The following KCNH5 variants were observed in gnomAD, a reference collection of about 807,000 sequenced individuals.
KCNH5 encodes the protein voltage-gated delayed rectifier potassium channel KCNH5.
Under a neutral mutation model 96.1 loss-of-function variants are expected in KCNH5, and 46 were observed. The ratio of observed to expected loss-of-function variants is 0.48; its 90% CI spans 0.38 to 0.61. The LOEUF is 0.61. KCNH5 is among the 20% of genes least tolerant of loss of function. KCNH5 has a pLI of 0.00. For missense variants in KCNH5, 907 were observed against 1,225.8 expected (o/e 0.74, Z 3.88); for synonymous variants, 439 against 449.8 (o/e 0.98, Z 0.30).
intron 5 of KCNH5, among the ~76,000 whole-genome samples, chr14:62,984,467 A>C (rs1196296464): frequency 6.6e-6 from 1 of 152,164 alleles, no homozygotes. Flanking sequence ...AAGTAAAAGC[A>C]CCTCAAATTC....
chr14:62,879,092 C>T (rs1243565950), intron 7 of KCNH5, among the ~76,000 whole-genome samples: 1 of 151,902 alleles, frequency 6.6e-6, no homozygotes, highest in Non-Finnish European at 1.5e-5. Flanking sequence ...ATACTAATGA[C>T]TAATAAAAAC....
chr14:62,739,218 T>C (rs1401424907), intron 10 of KCNH5, among the ~76,000 whole-genome samples: 3 of 152,174 alleles, frequency 2.0e-5, no homozygotes, highest in Admixed American at 6.5e-5. Context: ...TTGGCACTTC[T>C]TATGAATTAA....
intron 8 of KCNH5, among the ~76,000 whole-genome samples, chr14:62,817,037 T>C (rs1369732742): frequency 2.1e-5 from 3 of 145,684 alleles, no homozygotes; most frequent in African/African-American, 7.5e-5. Context: ...GTTCACGTAT[T>C]ACTTTTCTGA....
intron 7 of KCNH5, among the ~76,000 whole-genome samples, chr14:62,867,646 C>G (rs1355374619): frequency 1.3e-5 from 2 of 152,144 alleles, no homozygotes; most frequent in Non-Finnish European, 2.9e-5. Context: ...GATCATGTCA[C>G]TGACCTGCTG....
At chr14:62,727,699 G>C (rs143765184) in intron 10 of KCNH5, among the ~76,000 whole-genome samples, 5 of 150,240 alleles carry the variant, frequency 3.3e-5, no homozygotes, top group Non-Finnish European at 5.9e-5. Flanking sequence ...ATTTATAGGA[G>C]CCCCTAATCA....
chr14:62,939,484 A>G (rs1372790559), intron 7 of KCNH5, among the ~76,000 whole-genome samples: 1 of 152,180 alleles, frequency 6.6e-6, no homozygotes, highest in African/African-American at 2.4e-5. Flanking sequence ...AGGAAAAAGA[A>G]CCACTTTCCT....
chr14:63,030,478 C>T (rs1385067092), intron 1 of KCNH5, among the ~76,000 whole-genome samples: 2 of 152,132 alleles, frequency 1.3e-5, no homozygotes, highest in African/African-American at 2.4e-5. Context: ...AGGTTAAAAA[C>T]GAATCAAAGA....
chr14:62,781,761 G>A (rs1332499047), intron 9 of KCNH5, among the ~76,000 whole-genome samples: 1 of 152,096 alleles, frequency 6.6e-6, no homozygotes, highest in Non-Finnish European at 1.5e-5. Flanking sequence ...TTTTCAAGGT[G>A]CCCACATTTC....
At chr14:62,841,446 A>G (rs932727427) in intron 8 of KCNH5, among the ~76,000 whole-genome samples, 1 of 152,214 alleles carries the variant, frequency 6.6e-6, no homozygotes, top group African/African-American at 2.4e-5. Context: ...TACTCATACT[A>G]TAACACTGTC....
chr14:62,941,854 C>T (rs1889795932), intron 7 of KCNH5, among the ~76,000 whole-genome samples: 3 of 152,148 alleles, frequency 2.0e-5, no homozygotes, highest in Admixed American at 6.5e-5. Flanking sequence ...TGGATATCCA[C>T]CTAGGTCGAG....
chr14:62,860,909 T>A (rs904541091), intron 7 of KCNH5, among the ~76,000 whole-genome samples: 6 of 152,202 alleles, frequency 3.9e-5, no homozygotes, highest in African/African-American at 1.4e-4. Flanking sequence ...TCAGAAATTT[T>A]AAACCCAGCT....
At chr14:62,831,183 C>T (rs960133409) in intron 8 of KCNH5, among the ~76,000 whole-genome samples, 2 of 152,172 alleles carry the variant, frequency 1.3e-5, no homozygotes, top group African/African-American at 4.8e-5. Context: ...AAACATCTCT[C>T]TTCCTCTCTT....
At chr14:62,798,942 A>G (rs1886593569) in intron 9 of KCNH5, among the ~76,000 whole-genome samples, 1 of 152,162 alleles carries the variant, frequency 6.6e-6, no homozygotes, top group Non-Finnish European at 1.5e-5. Flanking sequence ...AAGAGATAGC[A>G]AGGCCTTCTT....
chr14:62,904,551 G>A (rs1464475475), intron 7 of KCNH5, among the ~76,000 whole-genome samples: 1 of 152,116 alleles, frequency 6.6e-6, no homozygotes, highest in Non-Finnish European at 1.5e-5. Context: ...ATGTGGAGAT[G>A]TCTTGGGTCA....
intron 7 of KCNH5, among the ~76,000 whole-genome samples, chr14:62,868,892 T>C (rs957765807): frequency 2.0e-5 from 3 of 152,238 alleles, no homozygotes; most frequent in Non-Finnish European, 4.4e-5. Context: ...CTGCATAGTA[T>C]TCCATGATGT....
intron 10 of KCNH5, among the ~76,000 whole-genome samples, chr14:62,774,177 G>A (rs1464127076): frequency 1.3e-5 from 2 of 152,216 alleles, no homozygotes; most frequent in Non-Finnish European, 2.9e-5. Context: ...CAACACACGA[G>A]AAATGCTGTC....
At chr14:62,912,699 C>A (rs1379216150) in intron 7 of KCNH5, among the ~76,000 whole-genome samples, 1 of 152,172 alleles carries the variant, frequency 6.6e-6, no homozygotes, top group Admixed American at 6.5e-5. Context: ...AGCCACCGTA[C>A]CTGGCCATCT....
intron 10 of KCNH5, among the ~76,000 whole-genome samples, chr14:62,769,338 T>G (rs1885935935): frequency 6.6e-6 from 1 of 152,246 alleles, no homozygotes; most frequent in African/African-American, 2.4e-5. Flanking sequence ...GCAGTCCTGA[T>G]GATCAATTGA....
intron 10 of KCNH5, among the ~76,000 whole-genome samples, chr14:62,735,918 T>A (rs1959039): frequency 0.011 from 1,744 of 152,292 alleles, 28 homozygotes; most frequent in Middle Eastern, 0.048. Flanking sequence ...GCTGGAGTGA[T>A]CCCTCTACCA....
Sources: allele counts gnomAD v4.1 joint callset (sites outside exome capture counted in the v4.1 genomes callset), GRCh38; gene constraint gnomAD v4.1.1; transcripts MANE v1.5; gene names NCBI Gene and HGNC (gene_info 2026-07-23, HGNC 2026-07-21).